FANCD2OS: variants seen among roughly 807,000 people sequenced by gnomAD.
FANCD2OS encodes the protein FANCD2 opposite strand protein.
A neutral mutation model predicts 13.2 loss-of-function variants in FANCD2OS; 11 were observed. That is an observed-to-expected ratio of 0.83 (90% CI 0.52 to 1.38). The LOEUF is 1.38. Ranked by LOEUF, FANCD2OS falls within the 40% of genes most tolerant of loss-of-function variation. The pLI, the probability that FANCD2OS is intolerant of heterozygous loss-of-function variation, is 0.00. For missense variants in FANCD2OS, 217 were observed against 213.9 expected (o/e 1.01, Z -0.09); for synonymous variants, 69 against 84.5 (o/e 0.82, Z 1.01).
chr3:10,100,446 T>G (rs1695233920), downstream of FANCD2OS, among the ~76,000 whole-genome samples: 4 of 152,164 alleles, frequency 2.6e-5, no homozygotes, highest in Admixed American at 2.6e-4. Context: ...CAGTCTCAGC[T>G]CACTGCAGTC....
rs750892839 is a variant in FANCD2OS, at chr3:10,088,803, G to T, written c.*44-7272C>A. 5 of 1,613,086 alleles carry T rather than the reference G, an allele frequency of 3.1e-6. No individual in the cohort carries two copies. The African/African-American group carries it at 5.3e-5, about 17-fold the overall frequency. On this transcript the variant is annotated intron_variant, in intron 2 of 2. Transcript: ENST00000524279. The stretch of plus-strand genomic sequence containing the variant: ...TGTATTCTACTTTGTTAATTAGTGG[G>T]TCAAATATTTGACTCTCAATGCAGT...
chr3:10,105,783 T>A (rs1204063652), intron 1 of FANCD2OS, among the ~76,000 whole-genome samples: 3 of 39,376 alleles, frequency 7.6e-5, no homozygotes, highest in East Asian at 1.2e-3. Flanking sequence ...TATATATATA[T>A]ATATATATAT....
chr3:10,093,286 T>C (rs1274314453), intron 2 of FANCD2OS: 1 of 1,613,300 alleles, frequency 6.2e-7, no homozygotes, highest in Non-Finnish European at 8.5e-7. Context: ...CCTCTCCAGG[T>C]ATTTGATAGT....
At chr3:10,085,723 A>G in intron 2 of FANCD2OS, 1 of 862,840 alleles carries the variant, frequency 1.2e-6, no homozygotes, top group Admixed American at 1.7e-5. Flanking sequence ...TAAACTATTG[A>G]TGGTACAGAC....
At chr3:10,102,428 C>T (rs1695341455), downstream of FANCD2OS, among the ~76,000 whole-genome samples, 1 of 152,098 alleles carries the variant, frequency 6.6e-6, no homozygotes, top group South Asian at 2.1e-4. Context: ...CAGGCGTGAG[C>T]CACCATGCCC....
chr3:10,104,642 C>G lies in FANCD2OS; in HGVS notation c.133G>C (p.Asp45His). 6.2e-7 allele frequency: 1 copy of G among 1,614,098 alleles called. No homozygotes were observed. Among genetic ancestry groups the G allele is most frequent in the Non-Finnish European group, 8.5e-7 (1 of 1,180,028 alleles). ...TGAAAGCACAGCTGCACTTCAAGGT[C>G]GGACGGTGTGTGTGGGAAGCAGGGG... ...ASPCFPHTPS[D>H]LEVQLCFQEV... Residue 45 changes from aspartate to histidine, a missense_variant, in exon 2 of 2, where the codon GAC (aspartate) becomes CAC (histidine). Physicochemically the swap from Asp to His is moderately conservative, Grantham distance 81. Coordinates refer to ENST00000450660, the MANE Select transcript of FANCD2OS (RefSeq NM_001164839.2).
chr3:10,094,389 G>T (rs35678855), intron 2 of FANCD2OS: 3 of 1,583,906 alleles, frequency 1.9e-6, no homozygotes, highest in African/African-American at 1.3e-5. Context: ...AGAGAACAAA[G>T]ATATGCACTG....
At chr3:10,088,168 C>T (rs1243314794) in intron 2 of FANCD2OS, among the ~76,000 whole-genome samples, 2 of 152,114 alleles carry the variant, frequency 1.3e-5, no homozygotes, top group Non-Finnish European at 2.9e-5. Flanking sequence ...CATTCCTTTT[C>T]TCTGTGTGTC....
At chr3:10,095,986 G>A (rs888817482) in intron 2 of FANCD2OS, among the ~76,000 whole-genome samples, 2 of 151,422 alleles carry the variant, frequency 1.3e-5, no homozygotes, top group African/African-American at 4.9e-5. Flanking sequence ...GCTGGACAGT[G>A]AATGTTTAAG....
chr3:10,099,438 C>T, downstream of FANCD2OS: 1 of 587,556 alleles, frequency 1.7e-6, no homozygotes, highest in Non-Finnish European at 2.3e-6. Context: ...AGCTGCACAA[C>T]ATAACAAGAC....
intron 2 of FANCD2OS, among the ~76,000 whole-genome samples, chr3:10,084,973 A>G (rs1440573700): frequency 6.6e-6 from 1 of 152,216 alleles, no homozygotes; most frequent in Non-Finnish European, 1.5e-5. Context: ...CTACACATGT[A>G]TTGATAGGGG....
chr3:10,092,148 A>C, intron 2 of FANCD2OS: 1 of 1,461,804 alleles, frequency 6.8e-7, no homozygotes, highest in East Asian at 2.3e-5. Context: ...TTTGGCTGTG[A>C]CTCAGAGGTG....
chr3:10,082,121 A>G (rs6764168), intron 2 of FANCD2OS, among the ~76,000 whole-genome samples: 29,750 of 152,170 alleles, frequency 0.2, 3,361 homozygotes, highest in African/African-American at 0.31. Flanking sequence ...CCAAAATGGA[A>G]TATGTCATCC....
chr3:10,087,281 CTTTTTTT>C, intron 2 of FANCD2OS: 5 of 1,310,478 alleles, frequency 3.8e-6, no homozygotes, highest in East Asian at 2.8e-5. Context: ...GGCCTAGATC[CTTTTTTT>C]TTTTTTTTTT....
In FANCD2OS at chr3:10,104,223, G is replaced by A. The variant is rs1695403637; in HGVS notation, c.*18C>T. 6.3e-7 allele frequency: 1 copy of A among 1,578,942 alleles called. No individual in the cohort carries two copies. Among genetic ancestry groups the A allele is most frequent in the African/African-American group, 1.4e-5 (1 of 73,874 alleles). On this transcript the variant is annotated 3_prime_UTR_variant, in exon 2 of 2. Coordinates refer to ENST00000450660, the MANE Select transcript of FANCD2OS (RefSeq NM_001164839.2). Reference sequence around the variant, plus strand: ...CAAAGGGCATGGTGTGAGTAAATGGGGATCAAATGAGGACCCTTTACTTGG... The same window carrying A: ...CAAAGGGCATGGTGTGAGTAAATGGAGATCAAATGAGGACCCTTTACTTGG...
chr3:10,087,090 A>T, intron 2 of FANCD2OS: 2 of 1,609,980 alleles, frequency 1.2e-6, no homozygotes, highest in Non-Finnish European at 1.7e-6. Context: ...TCTGTGACAC[A>T]TAGGATACTA....
chr3:10,100,655 T>G (rs961744572), downstream of FANCD2OS, among the ~76,000 whole-genome samples: 1 of 152,212 alleles, frequency 6.6e-6, no homozygotes, highest in Non-Finnish European at 1.5e-5. Context: ...TACTTTGGCG[T>G]GAGCCACCGT....
downstream of FANCD2OS, chr3:10,099,232 G>A: frequency 7.5e-7 from 1 of 1,335,902 alleles, no homozygotes; most frequent in Non-Finnish European, 9.6e-7. Flanking sequence ...AAAGCACAGA[G>A]TCAGAAGCTG....
At chr3:10,085,055 C>T (rs376473059) in intron 2 of FANCD2OS, among the ~76,000 whole-genome samples, 8 of 152,150 alleles carry the variant, frequency 5.3e-5, no homozygotes, top group African/African-American at 1.9e-4. Context: ...ATAGAAATGT[C>T]AAGACTTGAC....
Sources: allele counts gnomAD v4.1 joint callset (sites outside exome capture counted in the v4.1 genomes callset), GRCh38; gene constraint gnomAD v4.1.1; transcripts MANE v1.5; gene names NCBI Gene and HGNC (gene_info 2026-07-23, HGNC 2026-07-21).